The following ZNF438 variants were observed in gnomAD, a reference collection of about 807,000 sequenced individuals.
ZNF438 encodes zinc finger protein 438.
ZNF438 carries 25 observed loss-of-function variants against 38.0 expected under a neutral mutation model. That is an observed-to-expected ratio of 0.66 (90% CI 0.48 to 0.92). ZNF438 has a LOEUF of 0.92. Among genes scored for constraint, ZNF438 ranks in the 40% least tolerant of loss-of-function variants. The probability of loss-of-function intolerance (pLI) is 0.00; values close to 1 mark genes in which losing one functional copy is unlikely to be tolerated. For missense variants in ZNF438, 1,007 were observed against 999.6 expected, an observed-to-expected ratio of 1.01 and a Z score of -0.10; for synonymous variants, 372 against 364.1, an observed-to-expected ratio of 1.02 and a Z score of -0.25.
chr10:30,987,368 TA>T (rs563193843), intron 1 of ZNF438, among the ~76,000 whole-genome samples: 146 of 147,438 alleles, frequency 9.9e-4, no homozygotes, highest in Admixed American at 2.0e-3. Context: ...GATGCTGAAT[TA>T]AAAAAAAAAA....
chr10:31,003,900 T>C (rs1415009608), intron 1 of ZNF438, among the ~76,000 whole-genome samples: 1 of 152,154 alleles, frequency 6.6e-6, no homozygotes, highest in Non-Finnish European at 1.5e-5. Context: ...ATCTAAAATC[T>C]GAAAATCTGG....
chr10:30,872,485 T>C, intron 4 of ZNF438, among the ~76,000 whole-genome samples: 1 of 135,502 alleles, frequency 7.4e-6, no homozygotes, highest in Admixed American at 8.3e-5. Context: ...GCGCAGTGGC[T>C]GACACCTGTA....
At chr10:30,928,473 T>C (rs2045227901) in intron 2 of ZNF438, among the ~76,000 whole-genome samples, 1 of 151,714 alleles carries the variant, frequency 6.6e-6, no homozygotes, top group Non-Finnish European at 1.5e-5. Flanking sequence ...GATCCAGTGG[T>C]ACACTTATTT....
At chr10:30,928,056 C>T (rs2045170013) in intron 2 of ZNF438, among the ~76,000 whole-genome samples, 1 of 152,120 alleles carries the variant, frequency 6.6e-6, no homozygotes, top group South Asian at 2.1e-4. Context: ...TAAAATGTAA[C>T]CTTTTTTTCA....
chr10:30,946,145 G>A (rs1481075275), intron 1 of ZNF438, among the ~76,000 whole-genome samples: 1 of 151,944 alleles, frequency 6.6e-6, no homozygotes, highest in Non-Finnish European at 1.5e-5. Flanking sequence ...GCATTTCTCT[G>A]ATGGCCAGTG....
At chr10:30,997,431 G>A (rs2054167824) in intron 1 of ZNF438, among the ~76,000 whole-genome samples, 1 of 152,134 alleles carries the variant, frequency 6.6e-6, no homozygotes, top group African/African-American at 2.4e-5. Flanking sequence ...GACTGAAAAT[G>A]AACGCAAAAA....
chr10:30,845,674 G>A (rs553680991), intron 5 of ZNF438, 101 bp from the exon 7 acceptor site: 2 of 1,383,506 alleles, frequency 1.4e-6, no homozygotes, highest in African/African-American at 1.4e-5. Context: ...ACATAACACT[G>A]ACGAGAAAGA....
At chr10:30,900,725 A>G (rs2041880848) in intron 3 of ZNF438, among the ~76,000 whole-genome samples, 1 of 152,212 alleles carries the variant, frequency 6.6e-6, no homozygotes. Flanking sequence ...TGCCCTCAGT[A>G]TCCTCAGAAA....
intron 1 of ZNF438, among the ~76,000 whole-genome samples, chr10:30,955,349 C>T (rs1392184259): frequency 6.6e-6 from 1 of 152,176 alleles, no homozygotes; most frequent in African/African-American, 2.4e-5. Context: ...GAAGGTCATG[C>T]CTATGTCTTC....
chr10:30,930,411 C>T (rs1024158765), intron 2 of ZNF438, among the ~76,000 whole-genome samples: 6 of 152,028 alleles, frequency 3.9e-5, no homozygotes, highest in African/African-American at 1.5e-4. Flanking sequence ...CGGTTCCCAC[C>T]CGCGCATCTC....
At chr10:30,912,338 AT>A (rs2134601480) in intron 2 of ZNF438, among the ~76,000 whole-genome samples, 1 of 152,062 alleles carries the variant, frequency 6.6e-6, no homozygotes, top group East Asian at 1.9e-4. Flanking sequence ...ATTGTTCATT[AT>A]CTCCTTAACA....
At chr10:30,998,781 T>A (rs1358323386) in intron 1 of ZNF438, among the ~76,000 whole-genome samples, 1 of 152,130 alleles carries the variant, frequency 6.6e-6, no homozygotes, top group African/African-American at 2.4e-5. Context: ...GGCAGTTTCA[T>A]TTTTCATACT....
intron 3 of ZNF438, among the ~76,000 whole-genome samples, chr10:30,881,444 C>T (rs2039243889): frequency 6.6e-6 from 1 of 151,918 alleles, no homozygotes; most frequent in Non-Finnish European, 1.5e-5. Context: ...AAGACCTATA[C>T]ACTGAAAACT....
At chr10:30,934,083 T>C (rs1411022714) in intron 2 of ZNF438, among the ~76,000 whole-genome samples, 1 of 151,306 alleles carries the variant, frequency 6.6e-6, no homozygotes, top group Non-Finnish European at 1.5e-5. Context: ...GAGGCGGAGA[T>C]TGCAGTGAGC....
At chr10:30,883,217 C>T (rs2039503892) in intron 3 of ZNF438, among the ~76,000 whole-genome samples, 1 of 152,040 alleles carries the variant, frequency 6.6e-6, no homozygotes, top group Admixed American at 6.6e-5. Flanking sequence ...AATGATAATA[C>T]AAACTTTGGG....
At chr10:30,875,210 T>C (rs529043608) in intron 4 of ZNF438, 10 of 967,490 alleles carry the variant, frequency 1.0e-5, no homozygotes, top group East Asian at 2.3e-4. Flanking sequence ...CCCAGAGAGG[T>C]AGGCATCAGA....
intron 1 of ZNF438, among the ~76,000 whole-genome samples, chr10:30,986,099 G>A (rs1169642259): frequency 2.6e-5 from 4 of 152,156 alleles, no homozygotes; most frequent in African/African-American, 4.8e-5. Flanking sequence ...AATAGCCTAC[G>A]TGTATAGTAA....
At chr10:30,889,273 AATCC>A (rs1229443048) in intron 3 of ZNF438, among the ~76,000 whole-genome samples, 1 of 152,258 alleles carries the variant, frequency 6.6e-6, no homozygotes, top group Non-Finnish European at 1.5e-5. Flanking sequence ...AATAAATTTT[AATCC>A]ACATAGTAAA....
intron 1 of ZNF438, among the ~76,000 whole-genome samples, chr10:31,006,780 G>GC (rs1373426728): frequency 4.6e-5 from 6 of 129,374 alleles, no homozygotes; most frequent in Non-Finnish European, 6.7e-5. Context: ...GCGGGGGGCG[G>GC]GGGGGGGAAC....
Sources: gnomAD v4.1 joint callset for allele counts (sites outside exome capture counted in the v4.1 genomes callset) on GRCh38, gnomAD v4.1.1 for gene constraint, MANE v1.5 for transcripts, NCBI Gene and HGNC (gene_info 2026-07-23, HGNC 2026-07-21) for gene names.